Variants in C8orf74 observed in about 807,000 individuals in gnomAD.
C8orf74 encodes chromosome 8 open reading frame 74.
Under a neutral mutation model 22.2 loss-of-function variants are expected in C8orf74, and 29 were observed. The ratio of observed to expected loss-of-function variants is 1.31; its 90% confidence interval spans 0.97 to 1.78. The LOEUF (loss-of-function observed/expected upper bound fraction) is 1.78, where lower values mean the gene tolerates loss of function less well. C8orf74 is among the 40% of genes most tolerant of loss of function. The pLI is 0.00. For synonymous variants in C8orf74, 255 were observed against 163.1 expected (o/e 1.56, Z -4.30); for missense variants, 515 against 369.9 (o/e 1.39, Z -3.22).
chr8:10,698,393 G>C (rs1412773150), intron 3 of C8orf74, among the ~76,000 whole-genome samples: 2 of 152,104 alleles, frequency 1.3e-5, no homozygotes, highest in African/African-American at 4.8e-5. Flanking sequence ...ATTATCCAGA[G>C]CCGGCATGCC....
At chr8:10,699,607 T>C (rs1262254097) in intron 3 of C8orf74, among the ~76,000 whole-genome samples, 1 of 152,004 alleles carries the variant, frequency 6.6e-6, no homozygotes, top group Non-Finnish European at 1.5e-5. Flanking sequence ...TCTGATGGAG[T>C]TGACCAACAG....
At chr8:10,687,079 G>C (rs933914174) in intron 2 of C8orf74, 9 of 456,150 alleles carry the variant, frequency 2.0e-5, no homozygotes, top group Non-Finnish European at 3.5e-5. Context: ...TGCCAAACCA[G>C]GTTCAGTCCA....
rs946715395 is a variant in C8orf74 at position 10,700,583 on chromosome 8, C to A, written c.*112C>A. On this transcript the variant is annotated 3_prime_UTR_variant, in exon 4 of 4. Transcript: ENST00000304519. ...AGAGACTTCTTGTGATTAAAAGAAA[C>A]AAACCCATGCCATCATCTGGTCTCT... 11 of 646,276 alleles carry A rather than the reference C, an allele frequency of 1.7e-5. No individual in the cohort carries two copies. Among genetic ancestry groups the A allele is most frequent in the Non-Finnish European group, 2.9e-5 (11 of 384,232 alleles). The allele number at this position is 646,276 out of a possible 1,614,324, so 40.0% of individuals were successfully genotyped here. A position where few individuals can be genotyped will look rare whatever the true frequency, so the allele number is the denominator to read the frequency against.
rs1176640089 is a variant in C8orf74, at chr8:10,697,898, G to A, written c.541G>A (p.Asp181Asn). 6 of 1,608,380 alleles carry A rather than the reference G, an allele frequency of 3.7e-6. No individual in the cohort carries two copies. The highest frequency in any genetic ancestry group is 2.2e-5 in the East Asian group (1 of 44,758). ...LTEAEAQKRA[D>N]VLLLKEALRL... ...GGAGGCCGAGGCACAGAAGCGCGCC[G>A]ACGTGCTGCTCCTGAAAGAGGCGCT... The change falls in exon 3 of 4, where the codon GAC (aspartate) becomes AAC (asparagine). Residue 181 changes from aspartate (D) to asparagine (N), a missense_variant. Transcript: ENST00000304519.
intron 2 of C8orf74, among the ~76,000 whole-genome samples, chr8:10,695,563 C>T (rs1799473309): frequency 6.6e-6 from 1 of 152,222 alleles, no homozygotes; most frequent in African/African-American, 2.4e-5. Flanking sequence ...ATGTCTCCAC[C>T]CCCTGGGTAT....
chr8:10,698,904 CACA>C (rs1799591076), intron 3 of C8orf74, among the ~76,000 whole-genome samples: 3 of 59,824 alleles, frequency 5.0e-5, no homozygotes, highest in Admixed American at 4.3e-4. Context: ...ACACACACCA[CACA>C]CACACACACA....
intron 2 of C8orf74, among the ~76,000 whole-genome samples, chr8:10,690,349 TC>T: frequency 6.6e-6 from 1 of 152,010 alleles, no homozygotes; most frequent in Middle Eastern, 3.4e-3. Flanking sequence ...GGCGGTACAG[TC>T]CCCGGCAGCC....
At chr8:10,673,261 A>G (rs925185977) in intron 1 of C8orf74, among the ~76,000 whole-genome samples, 7 of 151,928 alleles carry the variant, frequency 4.6e-5, no homozygotes, top group Non-Finnish European at 1.0e-4. Context: ...CACCCCAAAC[A>G]TTTTTTTGCC....
intron 2 of C8orf74, among the ~76,000 whole-genome samples, chr8:10,682,464 C>A (rs1391381182): frequency 1.3e-5 from 2 of 152,164 alleles, no homozygotes; most frequent in Admixed American, 6.5e-5. Context: ...TCTCCCGAAG[C>A]CTCTCTCCTT....
intron 1 of C8orf74, chr8:10,673,813 G>T (rs1181915730): frequency 1.3e-5 from 2 of 152,632 alleles, no homozygotes; most frequent in African/African-American, 4.8e-5. Context: ...GACCCCAAAA[G>T]TGTCTTACCC....
chr8:10,689,593 G>C (rs1409809512), intron 2 of C8orf74: 1 of 152,108 alleles, frequency 6.6e-6, no homozygotes, highest in Non-Finnish European at 1.5e-5. Flanking sequence ...CCTCCTGTGC[G>C]GTTGAAAACC....
intron 2 of C8orf74, among the ~76,000 whole-genome samples, chr8:10,696,958 GAA>G (rs60560452): frequency 3.8e-5 from 4 of 104,306 alleles, no homozygotes; most frequent in Non-Finnish European, 4.2e-5. Flanking sequence ...CCAGGAGTTC[GAA>G]AAAAAAAAAA....
intron 2 of C8orf74, among the ~76,000 whole-genome samples, chr8:10,684,770 G>A (rs758146659): frequency 5.3e-5 from 8 of 152,164 alleles, no homozygotes; most frequent in South Asian, 2.1e-4. Flanking sequence ...TTACGAAATC[G>A]AGAACTTTCA....
At chr8:10,688,542 T>C (rs1459365733) in intron 2 of C8orf74, 2 of 152,428 alleles carry the variant, frequency 1.3e-5, no homozygotes, top group African/African-American at 2.4e-5. Flanking sequence ...CCATCTTCAG[T>C]CCAGGTGTTC....
At chr8:10,685,650 G>A (rs189432340) in intron 2 of C8orf74, among the ~76,000 whole-genome samples, 110 of 152,276 alleles carry the variant, frequency 7.2e-4, no homozygotes, top group African/African-American at 2.5e-3. Flanking sequence ...GAGGGGGAGT[G>A]GGGAGTTAAT....
chr8:10,677,059 G>A (rs886983982), intron 2 of C8orf74, among the ~76,000 whole-genome samples: 3 of 152,072 alleles, frequency 2.0e-5, no homozygotes, highest in Non-Finnish European at 2.9e-5. Flanking sequence ...ATGTCTCATG[G>A]ACTCACCAAC....
chr8:10,684,742 A>T (rs1799225041), intron 2 of C8orf74, among the ~76,000 whole-genome samples: 1 of 152,236 alleles, frequency 6.6e-6, no homozygotes, highest in African/African-American at 2.4e-5. Context: ...ACCTCAGCAT[A>T]TGATTTTCTT....
intron 2 of C8orf74, 124 bp downstream of exon 2, chr8:10,674,962 C>T: frequency 1.3e-6 from 1 of 745,786 alleles, no homozygotes; most frequent in Non-Finnish European, 2.1e-6. Context: ...CTGCCCTTCC[C>T]TGGCATTGGG....
intron 1 of C8orf74, 62 bp downstream of exon 1, chr8:10,672,775 G>A: frequency 6.8e-7 from 1 of 1,464,534 alleles, no homozygotes; most frequent in Non-Finnish European, 9.4e-7. Context: ...ACATAGGGAG[G>A]TGGGCACTGG....
Sources: allele counts gnomAD v4.1 joint callset (sites outside exome capture counted in the v4.1 genomes callset), GRCh38; gene constraint gnomAD v4.1.1; transcripts MANE v1.5; gene names NCBI Gene and HGNC (gene_info 2026-07-23, HGNC 2026-07-21).